Variants in UGT1A10 observed in about 807,000 individuals in gnomAD.
UGT1A10 encodes UDP-glucuronosyltransferase 1A10.
A neutral mutation model predicts 45.8 loss-of-function variants in UGT1A10; 49 were observed. That is an observed-to-expected ratio of 1.07 (90% CI 0.85 to 1.36). The LOEUF is 1.36. Ranked by LOEUF, UGT1A10 falls within the 40% of genes most tolerant of loss-of-function variation. The probability of loss-of-function intolerance (pLI) is 0.00; values close to 1 mark genes in which losing one functional copy is unlikely to be tolerated. For missense variants in UGT1A10, 745 were observed against 668.6 expected, an observed-to-expected ratio of 1.11 and a Z score of -1.26; for synonymous variants, 284 against 249.7, an observed-to-expected ratio of 1.14 and a Z score of -1.29.
intron 1 of UGT1A10, chr2:233,747,510 T>C (rs1693700936): frequency 1.9e-6 from 3 of 1,608,048 alleles, no homozygotes; most frequent in Non-Finnish European, 2.6e-6. Flanking sequence ...CACTCAACTG[T>C]ACTTTGAAAC....
At chr2:233,672,197 G>A (rs148603525) in intron 1 of UGT1A10, 42 of 1,614,132 alleles carry the variant, frequency 2.6e-5, no homozygotes, top group Middle Eastern at 3.3e-4. Flanking sequence ...GATCTGGACC[G>A]GGAGTTCAAG....
chr2:233,703,391 T>C (rs552100359), intron 1 of UGT1A10, among the ~76,000 whole-genome samples: 30 of 152,276 alleles, frequency 2.0e-4, no homozygotes, highest in East Asian at 9.6e-4. Context: ...TATTTTCAAA[T>C]AAACAATTTT....
intron 1 of UGT1A10, chr2:233,690,762 C>T (rs2075009022): frequency 1.3e-6 from 1 of 787,480 alleles, no homozygotes; most frequent in Non-Finnish European, 1.6e-6. Context: ...TGCAGACATA[C>T]ACACACACAC....
At chr2:233,756,500 A>G (rs976556517) in intron 1 of UGT1A10, 2 of 152,096 alleles carry the variant, frequency 1.3e-5, no homozygotes, top group East Asian at 1.9e-4. Context: ...GCCCAAGTAT[A>G]TGGAGGGTCA....
intron 1 of UGT1A10, chr2:233,729,474 G>T: frequency 6.2e-7 from 1 of 1,614,208 alleles, no homozygotes. Context: ...GTATGGCAAT[G>T]TTGAACAATA....
rs34028775 is a variant in UGT1A10 at position 233,762,751 on chromosome 2, A to AT, written c.856-4276dup. Among the ~76,000 whole-genome samples the AT allele has an allele frequency of 1.5e-3, 214 of 146,458 alleles. 1 individual carries two copies. Among genetic ancestry groups the AT allele is most frequent in the African/African-American group, 5.0e-3 (200 of 39,700 alleles). ...TTTTGGTCACTACTGTGAATGTGTT[A>AT]TTTTTTTGCATTTCTATCTCTAGCT... On this transcript the variant is annotated intron_variant, in intron 1 of 4. Coordinates refer to ENST00000344644, the MANE Select transcript of UGT1A10 (RefSeq NM_019075.4).
At chr2:233,725,342 A>G (rs1368487533) in intron 1 of UGT1A10, among the ~76,000 whole-genome samples, 1 of 138,706 alleles carries the variant, frequency 7.2e-6, no homozygotes, top group Non-Finnish European at 1.6e-5. Flanking sequence ...CTTAAGTCCA[A>G]TAAGAATGTT....
chr2:233,680,543 C>G lies in UGT1A10; in HGVS notation c.855+43166C>G, dbSNP rs184094797. ...CTGAGGTTGGCTGTTGAATCCCTCA[C>G]GAAATGCTCCTCAGTGTGTTGCCTA... On this transcript the variant is annotated intron_variant, in intron 1 of 4. Transcript: ENST00000344644. 9.1e-4 allele frequency among the ~76,000 whole-genome samples: 139 copies of G among 152,218 alleles called. 1 individual carries two copies. Among genetic ancestry groups the G allele is most frequent in the African/African-American group, 2.3e-3 (95 of 41,516 alleles).
chr2:233,662,233 ATGG>A (rs2073987690), intron 1 of UGT1A10, among the ~76,000 whole-genome samples: 1 of 152,198 alleles, frequency 6.6e-6, no homozygotes, highest in Admixed American at 6.5e-5. Flanking sequence ...TGTCTATAAT[ATGG>A]TAGTAAATGA....
chr2:233,738,126 G>C (rs1690706734), intron 1 of UGT1A10, among the ~76,000 whole-genome samples: 1 of 152,046 alleles, frequency 6.6e-6, no homozygotes, highest in Non-Finnish European at 1.5e-5. Flanking sequence ...TTTTATAAGG[G>C]GCCCTTATCC....
chr2:233,706,240 T>C (rs2125603335), intron 1 of UGT1A10, among the ~76,000 whole-genome samples: 1 of 151,882 alleles, frequency 6.6e-6, no homozygotes, highest in East Asian at 1.9e-4. Context: ...GCTGGGAGAG[T>C]GAGAGAACCA....
intron 1 of UGT1A10, among the ~76,000 whole-genome samples, chr2:233,686,277 A>G (rs2074781499): frequency 6.6e-6 from 1 of 152,130 alleles, no homozygotes; most frequent in Non-Finnish European, 1.5e-5. Context: ...CCAAAAGTAC[A>G]AGAAACTAAA....
At chr2:233,664,934 A>G (rs988136147) in intron 1 of UGT1A10, among the ~76,000 whole-genome samples, 1 of 152,256 alleles carries the variant, frequency 6.6e-6, no homozygotes, top group African/African-American at 2.4e-5. Context: ...AGTTGCATTT[A>G]AAGATACTCT....
At chr2:233,754,986 T>A (rs1394613146) in intron 1 of UGT1A10, 2 of 1,295,836 alleles carry the variant, frequency 1.5e-6, no homozygotes, top group Non-Finnish European at 2.1e-6. Flanking sequence ...CTCGGCGGGG[T>A]CACGGAAGCT....
At chr2:233,758,397 C>T (rs1696863474) in intron 1 of UGT1A10, among the ~76,000 whole-genome samples, 1 of 152,138 alleles carries the variant, frequency 6.6e-6, no homozygotes, top group Admixed American at 6.5e-5. Flanking sequence ...TGTTTATAGC[C>T]CCTTTACTGT....
Position 233,677,560 on chromosome 2 carries a change from C to T in UGT1A10, c.855+40183C>T, listed in dbSNP as rs139096739. On this transcript the variant is annotated intron_variant, in intron 1 of 4. Transcript: ENST00000344644. ...GAGAAAAGAAAATGTTATTAAAAAA[C>T]GTAACATATGAAAAAATGCTCAACA... 1.6e-4 allele frequency among the ~76,000 whole-genome samples: 24 copies of T among 152,062 alleles called. No homozygotes were observed. The South Asian group carries it at 2.1e-3, about 13-fold the overall frequency.
chr2:233,705,781 C>T (rs754903994), intron 1 of UGT1A10, among the ~76,000 whole-genome samples: 16 of 152,258 alleles, frequency 1.1e-4, no homozygotes, highest in Non-Finnish European at 2.2e-4. Flanking sequence ...TGTCTTAGTG[C>T]AAAATGCCCC....
At chr2:233,761,289 C>G in intron 1 of UGT1A10, 1 of 1,541,658 alleles carries the variant, frequency 6.5e-7, no homozygotes, top group Non-Finnish European at 8.8e-7. Context: ...ATTTTTGACT[C>G]CTAGGTTTGA....
At chr2:233,772,229 T>C in intron 4 of UGT1A10, 33 bp from the exon 5 acceptor site, 1 of 1,613,724 alleles carries the variant, frequency 6.2e-7, no homozygotes, top group Non-Finnish European at 8.5e-7. Context: ...ACCACAGGTG[T>C]TCCAGGCATA....
Sources: gnomAD v4.1 joint callset for allele counts (sites outside exome capture counted in the v4.1 genomes callset) on GRCh38, gnomAD v4.1.1 for gene constraint, MANE v1.5 for transcripts, NCBI Gene and HGNC (gene_info 2026-07-23, HGNC 2026-07-21) for gene names.